The following ILKAP variants were observed in gnomAD, a reference collection of about 807,000 sequenced individuals.
ILKAP encodes the protein integrin-linked kinase-associated serine/threonine phosphatase 2C.
A neutral mutation model predicts 49.1 loss-of-function variants in ILKAP; 11 were observed. The ratio of observed to expected loss-of-function variants is 0.22; its 90% CI spans 0.14 to 0.37. The LOEUF is 0.37. Among genes scored for constraint, ILKAP ranks in the 10% least tolerant of loss-of-function variants. The pLI is 1.00. For synonymous variants in ILKAP, 186 were observed against 192.8 expected, an observed-to-expected ratio of 0.96 and a Z score of 0.29; for missense variants, 363 against 510.8, an observed-to-expected ratio of 0.71 and a Z score of 2.79.
intron 1 of ILKAP, among the ~76,000 whole-genome samples, chr2:238,202,077 T>C (rs889022229): frequency 1.3e-5 from 2 of 152,082 alleles, no homozygotes; most frequent in African/African-American, 4.8e-5. Context: ...ATATAAAAAT[T>C]AGCCGGGTGT....
At chr2:238,192,752 C>T (rs1349312303) in intron 3 of ILKAP, among the ~76,000 whole-genome samples, 3 of 150,010 alleles carry the variant, frequency 2.0e-5, no homozygotes, top group South Asian at 2.1e-4. Flanking sequence ...CAGTGGCTCA[C>T]GCCTGTAATC....
chr2:238,185,811 A>C (rs955380793), intron 5 of ILKAP: 6 of 153,426 alleles, frequency 3.9e-5, no homozygotes, highest in South Asian at 2.0e-4. Context: ...CTAAAAAAAA[A>C]AAAAACAAAA....
intron 9 of ILKAP, 67 bp downstream of exon 9, chr2:238,181,998 A>G: frequency 6.4e-7 from 1 of 1,571,166 alleles, no homozygotes; most frequent in Non-Finnish European, 8.7e-7. Flanking sequence ...TACTCCTTGA[A>G]GGTCTCGGGA....
chr2:238,200,856 T>C (rs891430598), intron 1 of ILKAP, among the ~76,000 whole-genome samples: 1 of 152,218 alleles, frequency 6.6e-6, no homozygotes, highest in South Asian at 2.1e-4. Context: ...TATAAAACAC[T>C]ATACATTCTA....
In ILKAP at chr2:238,170,907, T is replaced by C. The variant is rs775107063; in HGVS notation, c.1038+36A>G. On this transcript the variant is annotated intron_variant, in intron 11 of 11. Coordinates refer to ENST00000254654, the MANE Select transcript of ILKAP (RefSeq NM_030768.3). Reference sequence around the variant, plus strand: ...TACTTCTCTGAAAACTAAGACACAATTGGGACAACCACCACCCCCGTGTGA... The same window carrying C: ...TACTTCTCTGAAAACTAAGACACAACTGGGACAACCACCACCCCCGTGTGA... The C allele has an allele frequency of 1.8e-5, 28 of 1,580,232 alleles. No individual in the cohort carries two copies. The East Asian group carries it at 2.0e-4, about 11-fold the overall frequency.
At chr2:238,196,733 G>C (rs1694360524) in intron 1 of ILKAP, among the ~76,000 whole-genome samples, 3 of 152,138 alleles carry the variant, frequency 2.0e-5, no homozygotes, top group Admixed American at 2.0e-4. Flanking sequence ...AGAAATTCCT[G>C]AGTTAACAAA....
intron 5 of ILKAP, chr2:238,186,275 G>GTT (rs1693904873): frequency 6.6e-6 from 1 of 152,218 alleles, no homozygotes; most frequent in Non-Finnish European, 1.5e-5. Context: ...ATAGGCAGTT[G>GTT]TAACACACTG....
intron 5 of ILKAP, 41 bp downstream of exon 5, chr2:238,188,090 G>A (rs2106335554): frequency 1.9e-6 from 3 of 1,609,262 alleles, no homozygotes; most frequent in East Asian, 2.2e-5. Flanking sequence ...GAACCCAGGA[G>A]ATGTTAATGC....
chr2:238,201,066 T>C (rs1694548159), intron 1 of ILKAP, among the ~76,000 whole-genome samples: 1 of 152,284 alleles, frequency 6.6e-6, no homozygotes, highest in Admixed American at 6.5e-5. Flanking sequence ...GGTCTTTTAT[T>C]GTTCACTGCA....
At chr2:238,176,953 C>G (rs1044333493) in intron 9 of ILKAP, among the ~76,000 whole-genome samples, 2 of 152,242 alleles carry the variant, frequency 1.3e-5, no homozygotes, top group African/African-American at 2.4e-5. Context: ...AGGTACAATG[C>G]TAGAACAGTT....
chr2:238,203,074 G>C (rs2106343841), intron 1 of ILKAP, among the ~76,000 whole-genome samples: 1 of 151,996 alleles, frequency 6.6e-6, no homozygotes, highest in East Asian at 1.9e-4. Flanking sequence ...CAGCCCGCGG[G>C]TGAAGTGCGG....
At chr2:238,199,386 TA>T (rs1694478567) in intron 1 of ILKAP, among the ~76,000 whole-genome samples, 1 of 152,240 alleles carries the variant, frequency 6.6e-6, no homozygotes, top group Non-Finnish European at 1.5e-5. Flanking sequence ...CAAAACACTT[TA>T]TGAGAAAGTC....
rs1559285358 is a variant in ILKAP at position 238,170,555 on chromosome 2, A to AC, written c.1159dup (p.Val387GlyfsTer21). ...CACCCCTCAGTGCCCTATCCGCACC[A>AC]CCATCACAGTGACGTTGTCGGCCGA... On this transcript the variant is annotated frameshift_variant, in exon 12 of 12. Transcript: ENST00000254654. LOFTEE classifies it high-confidence loss of function. 1 of 1,604,634 alleles carries AC rather than the reference A, an allele frequency of 6.2e-7. No homozygotes were observed. Among genetic ancestry groups the AC allele is most frequent in the Non-Finnish European group, 8.5e-7 (1 of 1,172,728 alleles).
intron 4 of ILKAP, 189 bp from the exon 5 acceptor site, chr2:238,188,446 T>C (rs1190180057): frequency 3.2e-6 from 2 of 626,500 alleles, no homozygotes; most frequent in Non-Finnish European, 5.3e-6. Flanking sequence ...CGGAGCACTG[T>C]TGGACAGGGT....
At chr2:238,202,625 C>A (rs898913827) in intron 1 of ILKAP, among the ~76,000 whole-genome samples, 3 of 152,118 alleles carry the variant, frequency 2.0e-5, no homozygotes, top group South Asian at 4.1e-4. Context: ...AGGTTTTCTG[C>A]CCCCAAGTTA....
chr2:238,186,814 A>G (rs1013084487), intron 5 of ILKAP: 3 of 152,010 alleles, frequency 2.0e-5, no homozygotes, highest in Non-Finnish European at 4.4e-5. Context: ...ATCCTGAGCC[A>G]TGAGAAAAAA....
intron 3 of ILKAP, among the ~76,000 whole-genome samples, chr2:238,193,548 A>G (rs1694228527): frequency 6.6e-6 from 1 of 152,188 alleles, no homozygotes; most frequent in Admixed American, 6.5e-5. Flanking sequence ...ATTACAACTA[A>G]GGGTACTATC....
At chr2:238,180,413 C>G (rs1008424503) in intron 9 of ILKAP, among the ~76,000 whole-genome samples, 9 of 152,204 alleles carry the variant, frequency 5.9e-5, no homozygotes, top group Non-Finnish European at 1.0e-4. Context: ...AGTATTTAGG[C>G]TGTTATGTCA....
At chr2:238,191,736 G>A (rs369580326) in intron 3 of ILKAP, among the ~76,000 whole-genome samples, 30 of 151,870 alleles carry the variant, frequency 2.0e-4, no homozygotes, top group East Asian at 1.2e-3. Flanking sequence ...GGCGAAACCC[G>A]GTCTCTAATT....
Sources: gnomAD v4.1 joint callset for allele counts (sites outside exome capture counted in the v4.1 genomes callset) on GRCh38, gnomAD v4.1.1 for gene constraint, MANE v1.5 for transcripts, NCBI Gene and HGNC (gene_info 2026-07-23, HGNC 2026-07-21) for gene names.